The following SORBS3 variants were observed in gnomAD, a reference collection of about 807,000 sequenced individuals.
The protein encoded by SORBS3 is vinexin.
SORBS3 carries 69 observed loss-of-function variants against 98.0 expected under a neutral mutation model. That is an observed-to-expected ratio of 0.70 (90% CI 0.58 to 0.86). SORBS3 has a LOEUF of 0.86. Among genes scored for constraint, SORBS3 ranks in the 40% least tolerant of loss-of-function variants. The pLI is 0.00. For missense variants in SORBS3, 954 were observed against 908.5 expected, an observed-to-expected ratio of 1.05 and a Z score of -0.64; for synonymous variants, 394 against 355.4, an observed-to-expected ratio of 1.11 and a Z score of -1.22.
intron 5 of SORBS3, among the ~76,000 whole-genome samples, chr8:22,558,991 T>C (rs1227574326): frequency 6.6e-6 from 1 of 152,186 alleles, no homozygotes; most frequent in Non-Finnish European, 1.5e-5. Context: ...GAGGTGGTGG[T>C]GTCAGGGTAC....
upstream of SORBS3, among the ~76,000 whole-genome samples, chr8:22,551,536 G>T (rs1314032503): frequency 6.6e-6 from 1 of 152,076 alleles, no homozygotes; most frequent in East Asian, 1.9e-4. This position sits in a 1 kb window ranked among gnomAD's most constrained non-coding sequence, Gnocchi z 5.8. Flanking sequence ...TGAGTGGCCC[G>T]TGTCGGGCCG....
intron 18 of SORBS3, 93 bp from the exon 19 acceptor site, chr8:22,571,625 C>G (rs1840586669): frequency 1.1e-6 from 1 of 915,132 alleles, no homozygotes; most frequent in Non-Finnish European, 1.8e-6. Context: ...GGCAGGTGGA[C>G]TGGGAACGCC....
chr8:22,557,505 A>C (rs1250590029), intron 4 of SORBS3, among the ~76,000 whole-genome samples: 1 of 152,082 alleles, frequency 6.6e-6, no homozygotes, highest in Non-Finnish European at 1.5e-5. Context: ...TCACTCCTAC[A>C]TTATTGCTGT....
In SORBS3 at chr8:22,554,199, C is replaced by T. The variant is rs915650074; in HGVS notation, c.-55-253C>T. 1 of 262,738 alleles carries T rather than the reference C, an allele frequency of 3.8e-6. No individual in the cohort carries two copies. The highest frequency in any genetic ancestry group is 2.2e-5 in the African/African-American group (1 of 44,558). The allele number at this position is 262,738 out of a possible 1,614,324, so 16.3% of individuals were successfully genotyped here. On this transcript the variant is annotated intron_variant, in intron 1 of 20. Coordinates refer to ENST00000240123, the MANE Select transcript of SORBS3 (RefSeq NM_005775.5). The surrounding 1 kb of genome is among the most constrained non-coding windows in gnomAD (Gnocchi z 6.5). ...CCCCTCCTCCTCACCCAAGCTCCCC[C>T]TCCCCCACTCCCACCCGGAGCTCCT... is the stretch of plus-strand genomic sequence containing the variant.
In SORBS3 at chr8:22,574,903, C is replaced by T. The variant is rs928783367; in HGVS notation, c.*175C>T. The T allele has an allele frequency of 5.7e-6, 4 of 703,842 alleles. No individual in the cohort carries two copies. In the South Asian group the frequency reaches 5.9e-5, roughly 10 times the overall value. The allele number at this position is 703,842 out of a possible 1,614,324, so 43.6% of individuals were successfully genotyped here. Reference sequence around the variant, plus strand: ...CCCCTCGAAGCCCCCTGGACTGATTCCCACCCACGACTCACAGGCATTCCT... The same window carrying T: ...CCCCTCGAAGCCCCCTGGACTGATTTCCACCCACGACTCACAGGCATTCCT... On this transcript the variant is annotated 3_prime_UTR_variant, in exon 21 of 21. Coordinates refer to ENST00000240123, the MANE Select transcript of SORBS3 (RefSeq NM_005775.5).
rs368607021 is a variant in SORBS3, at chr8:22,567,028, A to C, written c.1191-33A>C. 8.6e-5 allele frequency: 137 copies of C among 1,588,132 alleles called. 1 individual carries two copies. In the African/African-American group the frequency reaches 1.7e-3, roughly 20 times the overall value. ...AGGGAAGGAGGCTTGGGAAGGCTTC[A>C]GCTTACCCTGCGGTCCTCGTCCCCA... On this transcript the variant is annotated intron_variant, in intron 15 of 20. Transcript: ENST00000240123.
At chr8:22,566,126 C>T (rs1030624943) in intron 12 of SORBS3, 6 of 628,100 alleles carry the variant, frequency 9.6e-6, no homozygotes, top group Non-Finnish European at 1.4e-5. Context: ...AGGGCGGCCC[C>T]GCCACGGCCC....
At chr8:22,573,983 G>A (rs768279808) in intron 20 of SORBS3, among the ~76,000 whole-genome samples, 6 of 152,206 alleles carry the variant, frequency 3.9e-5, no homozygotes, top group Non-Finnish European at 7.3e-5. Flanking sequence ...GCAGGGAAAA[G>A]GGGCAGGGCT....
chr8:22,574,023 C>T (rs1360353927), intron 20 of SORBS3, among the ~76,000 whole-genome samples: 2 of 152,162 alleles, frequency 1.3e-5, no homozygotes, highest in Non-Finnish European at 2.9e-5. Context: ...GCCTGGGTCC[C>T]CAGTGACTCC....
At chr8:22,568,548 C>T (rs1006299630) in intron 16 of SORBS3, among the ~76,000 whole-genome samples, 3 of 152,154 alleles carry the variant, frequency 2.0e-5, no homozygotes, top group African/African-American at 2.4e-5. Context: ...CTTGCTTACA[C>T]GATGATCCAC....
chr8:22,546,156 T>C (rs918792224), intron 1 of SORBS3, among the ~76,000 whole-genome samples: 1 of 152,224 alleles, frequency 6.6e-6, no homozygotes, highest in Non-Finnish European at 1.5e-5. Flanking sequence ...AATCATCTAA[T>C]GTCTTTTTTG....
intron 12 of SORBS3, 21 bp from the exon 13 acceptor site, chr8:22,566,324 C>T (rs756233919): frequency 1.9e-6 from 3 of 1,609,614 alleles, no homozygotes; most frequent in Non-Finnish European, 2.5e-6. Context: ...GCTGGAGGCT[C>T]AGTCTCTGTG....
At position 22,574,566 on chromosome 8, in the gene SORBS3, C is replaced by T. The variant is rs562957409; in HGVS notation, c.1955-101C>T. The T allele has an allele frequency of 5.2e-6, 6 of 1,164,218 alleles. No individual in the cohort carries two copies. In the South Asian group the frequency reaches 6.5e-5, roughly 13 times the overall value. 72.1% of individuals were successfully genotyped at this position (1,164,218 alleles called of 1,614,324 possible). A position where few individuals can be genotyped will look rare whatever the true frequency, so the allele number is the denominator to read the frequency against. The stretch of plus-strand genomic sequence containing the variant: ...CTCTCTGGGCTCCCCTACAGAACTC[C>T]CCTACAGTTCTGGGCACTGCCGGCA... On this transcript the variant is annotated intron_variant, in intron 20 of 20. Coordinates refer to ENST00000240123, the MANE Select transcript of SORBS3 (RefSeq NM_005775.5).
At position 22,554,608 on chromosome 8, in the gene SORBS3, G is replaced by T. The variant is rs35511419; in HGVS notation, c.102G>T (p.Arg34=). The change falls in exon 2 of 21, where the codon CGG becomes CGT. Residue 34 remains arginine, a splice_region_variant and synonymous_variant. Transcript: ENST00000240123. The surrounding 1 kb of genome is among the most constrained non-coding windows in gnomAD (Gnocchi z 6.5). ...SHIGSSSRGT[R]VPVIRNGGSN... ...TAGGGTCTTCCTCCCGGGGGACACG[G>T]GTGAGTGAGTCAGTAGGGAGGAGGG... 1.9e-6 allele frequency: 3 copies of T among 1,611,514 alleles called. No individual in the cohort carries two copies. The South Asian group carries it at 3.3e-5, about 18-fold the overall frequency.
intron 10 of SORBS3, chr8:22,565,046 G>C: frequency 7.1e-7 from 1 of 1,410,056 alleles, no homozygotes; most frequent in Non-Finnish European, 9.2e-7. Context: ...CAGGAAGCGC[G>C]TAGGCACTCC....
At chr8:22,572,079 G>A (rs1326684587) in intron 19 of SORBS3, among the ~76,000 whole-genome samples, 3 of 152,220 alleles carry the variant, frequency 2.0e-5, no homozygotes, top group African/African-American at 4.8e-5. Context: ...GTCGGTGCAT[G>A]TATAATTGAA....
At chr8:22,545,919 C>T (rs1840010993) in intron 1 of SORBS3, among the ~76,000 whole-genome samples, 1 of 152,116 alleles carries the variant, frequency 6.6e-6, no homozygotes, top group Admixed American at 6.5e-5. Flanking sequence ...GCATGGTGAC[C>T]CCCATAGCTG....
upstream of SORBS3, among the ~76,000 whole-genome samples, chr8:22,551,541 G>C (rs1044891482): frequency 2.6e-5 from 4 of 151,998 alleles, no homozygotes; most frequent in South Asian, 2.1e-4. This position sits in a 1 kb window ranked among gnomAD's most constrained non-coding sequence, Gnocchi z 5.8. Context: ...GGCCCGTGTC[G>C]GGCCGCCCGA....
rs780718718 is a variant in SORBS3, at chr8:22,569,186, C to T, written c.1344C>T (p.Pro448=). ...PADEIPKPIK[P]PTYQVLEYGE... ...ATGAGATCCCTAAGCCCATCAAGCC[C>T]CCGACCTACCAGGTGCTGGAGTATG... Residue 448 remains proline, a synonymous_variant, in exon 17 of 21, where the codon CCC becomes CCT. Coordinates refer to ENST00000240123, the MANE Select transcript of SORBS3 (RefSeq NM_005775.5). 6.2e-7 allele frequency: 1 copy of T among 1,611,404 alleles called. No homozygotes were observed. The highest frequency in any genetic ancestry group is 2.2e-5 in the East Asian group (1 of 44,588).
Sources: allele counts gnomAD v4.1 joint callset (sites outside exome capture counted in the v4.1 genomes callset), GRCh38; gene constraint gnomAD v4.1.1; non-coding constraint Gnocchi (gnomAD v3.1); transcripts MANE v1.5; gene names NCBI Gene and HGNC (gene_info 2026-07-23, HGNC 2026-07-21).